Variants in SLC8A1 observed in about 807,000 individuals in gnomAD.
SLC8A1 encodes sodium/calcium exchanger 1.
A neutral mutation model predicts 68.3 loss-of-function variants in SLC8A1; 18 were observed. The observed-to-expected ratio is 0.26, with a 90% CI of 0.18 to 0.39. The LOEUF (loss-of-function observed/expected upper bound fraction) is 0.39. Ranked by LOEUF, SLC8A1 falls within the 10% of genes least tolerant of loss-of-function variation. The pLI is 1.00. For synonymous variants in SLC8A1, 475 were observed against 415.5 expected (o/e 1.14, Z -1.74); for missense variants, 985 against 1,156.7 (o/e 0.85, Z 2.15).
At chr2:40,257,280 C>T (rs940994413) in intron 2 of SLC8A1, among the ~76,000 whole-genome samples, 3 of 152,104 alleles carry the variant, frequency 2.0e-5, no homozygotes, top group Admixed American at 6.5e-5. Flanking sequence ...CTTCCTAACA[C>T]GCAAGCATAC....
At chr2:40,459,057 G>A (rs150247569) in intron 1 of SLC8A1, among the ~76,000 whole-genome samples, 55 of 152,204 alleles carry the variant, frequency 3.6e-4, no homozygotes, top group Admixed American at 3.1e-3. Flanking sequence ...GATGGACTCC[G>A]GACCAGGCAC....
At chr2:40,359,455 G>A (rs1379985675) in intron 2 of SLC8A1, among the ~76,000 whole-genome samples, 1 of 152,146 alleles carries the variant, frequency 6.6e-6, no homozygotes, top group Non-Finnish European at 1.5e-5. Context: ...TGAGCGCAAT[G>A]AGAAGCATTG....
intron 1 of SLC8A1, among the ~76,000 whole-genome samples, chr2:40,448,289 G>T (rs897814072): frequency 1.3e-5 from 2 of 152,138 alleles, no homozygotes; most frequent in African/African-American, 2.4e-5. Flanking sequence ...GGGAGAGAAA[G>T]AGAGAAAAAG....
intron 2 of SLC8A1, among the ~76,000 whole-genome samples, chr2:40,218,585 G>A (rs771687612): frequency 8.6e-5 from 13 of 151,584 alleles, no homozygotes; most frequent in East Asian, 1.9e-4. Flanking sequence ...TAATATTATC[G>A]TATATGGAAT....
chr2:40,302,582 T>C (rs2071725439), intron 2 of SLC8A1, among the ~76,000 whole-genome samples: 1 of 148,204 alleles, frequency 6.7e-6, no homozygotes, highest in Non-Finnish European at 1.5e-5. Context: ...ATATATATCA[T>C]ATATATACAT....
chr2:40,393,957 A>G (rs1686091199), intron 2 of SLC8A1, among the ~76,000 whole-genome samples: 1 of 152,048 alleles, frequency 6.6e-6, no homozygotes, highest in Admixed American at 6.6e-5. Context: ...GTTACTTGAA[A>G]CCAGTAGCTC....
chr2:40,176,029 TG>T, intron 3 of SLC8A1: 4 of 440,880 alleles, frequency 9.1e-6, no homozygotes, highest in African/African-American at 2.0e-5. Flanking sequence ...GGCATTGGGT[TG>T]GGGGGAGGGG....
intron 2 of SLC8A1, among the ~76,000 whole-genome samples, chr2:40,420,373 C>A (rs57237419): frequency 3.6e-4 from 36 of 100,202 alleles, no homozygotes; most frequent in South Asian, 2.3e-3. Context: ...AAAAAAAAAA[C>A]AGACCAAGAA....
At chr2:40,356,344 G>T (rs1405425916) in intron 2 of SLC8A1, among the ~76,000 whole-genome samples, 1 of 152,054 alleles carries the variant, frequency 6.6e-6, no homozygotes, top group Non-Finnish European at 1.5e-5. Flanking sequence ...CTGAATCAAG[G>T]TATGAAAAAC....
chr2:40,116,273 A>G (rs2035352584), intron 7 of SLC8A1, among the ~76,000 whole-genome samples: 1 of 152,178 alleles, frequency 6.6e-6, no homozygotes, highest in Admixed American at 6.5e-5. Context: ...AAGCAGATTC[A>G]GCTATATTAC....
chr2:40,391,882 TC>T (rs1685379684), intron 2 of SLC8A1, among the ~76,000 whole-genome samples: 3 of 152,252 alleles, frequency 2.0e-5, no homozygotes, highest in African/African-American at 7.2e-5. Context: ...AGGCTTCATT[TC>T]TACCAATATC....
intron 2 of SLC8A1, among the ~76,000 whole-genome samples, chr2:40,420,350 G>A (rs1402549501): frequency 7.5e-6 from 1 of 132,764 alleles, no homozygotes; most frequent in African/African-American, 2.8e-5. Context: ...TGGATTGTCT[G>A]GTAACACATT....
At chr2:40,401,535 TAAGG>T (rs1688708982) in intron 2 of SLC8A1, among the ~76,000 whole-genome samples, 2 of 109,060 alleles carry the variant, frequency 1.8e-5, no homozygotes, top group African/African-American at 7.2e-5. Context: ...CCTTGCATAG[TAAGG>T]AAACTAGTTT....
intron 2 of SLC8A1, among the ~76,000 whole-genome samples, chr2:40,280,522 C>A (rs897620734): frequency 6.6e-6 from 1 of 152,138 alleles, no homozygotes; most frequent in African/African-American, 2.4e-5. Flanking sequence ...GATAAGCACA[C>A]AAATTGCAAT....
intron 2 of SLC8A1, among the ~76,000 whole-genome samples, chr2:40,265,562 A>G (rs1204098381): frequency 6.6e-6 from 1 of 152,170 alleles, no homozygotes; most frequent in African/African-American, 2.4e-5. Flanking sequence ...AGAACCCTTT[A>G]TTTCCCATAG....
chr2:40,416,564 T>G (rs1283452226), intron 2 of SLC8A1, among the ~76,000 whole-genome samples: 2 of 152,156 alleles, frequency 1.3e-5, no homozygotes, highest in Non-Finnish European at 2.9e-5. Context: ...GCAAACATTT[T>G]TGAGATGGAA....
At chr2:40,252,006 A>G (rs1321745536) in intron 2 of SLC8A1, among the ~76,000 whole-genome samples, 1 of 152,188 alleles carries the variant, frequency 6.6e-6, no homozygotes, top group African/African-American at 2.4e-5. Flanking sequence ...TTGTTTTTAT[A>G]TAACCATATA....
chr2:40,333,548 T>C (rs1644456134), intron 2 of SLC8A1, among the ~76,000 whole-genome samples: 1 of 152,092 alleles, frequency 6.6e-6, no homozygotes, highest in South Asian at 2.1e-4. Context: ...ATCTGAATTC[T>C]ATTCATTTTA....
At chr2:40,297,897 T>G (rs2070723548) in intron 2 of SLC8A1, among the ~76,000 whole-genome samples, 1 of 152,162 alleles carries the variant, frequency 6.6e-6, no homozygotes, top group Admixed American at 6.5e-5. Context: ...TTTGTTTTTT[T>G]GAAATAAAGT....
Sources: gnomAD v4.1 joint callset for allele counts (sites outside exome capture counted in the v4.1 genomes callset) on GRCh38, gnomAD v4.1.1 for gene constraint, MANE v1.5 for transcripts, NCBI Gene and HGNC (gene_info 2026-07-23, HGNC 2026-07-21) for gene names.